The following FGF14 variants were observed in gnomAD, a reference collection of about 807,000 sequenced individuals.
The protein encoded by FGF14 is fibroblast growth factor 14.
A neutral mutation model predicts 25.5 loss-of-function variants in FGF14; 5 were observed. That is an observed-to-expected ratio of 0.20 (90% CI 0.10 to 0.41). The LOEUF is 0.41. FGF14 is among the 10% of genes least tolerant of loss of function. The pLI, the probability that FGF14 is intolerant of heterozygous loss-of-function variation, is 1.00. For synonymous variants in FGF14, 138 were observed against 118.3 expected (o/e 1.17, Z -1.08); for missense variants, 222 against 320.1 (o/e 0.69, Z 2.34).
chr13:102,226,824 C>G (rs546526878), intron 1 of FGF14, among the ~76,000 whole-genome samples: 1 of 152,236 alleles, frequency 6.6e-6, no homozygotes, highest in South Asian at 2.1e-4. Flanking sequence ...GAACAGCCAC[C>G]AGAATTCAAT....
At chr13:102,141,369 A>G (rs1315381409) in intron 1 of FGF14, among the ~76,000 whole-genome samples, 1 of 152,212 alleles carries the variant, frequency 6.6e-6, no homozygotes, top group Non-Finnish European at 1.5e-5. Context: ...CTGCTACGTT[A>G]AACAAGACAG....
At chr13:102,086,331 T>A (rs2043897996) in intron 1 of FGF14, among the ~76,000 whole-genome samples, 1 of 152,072 alleles carries the variant, frequency 6.6e-6, no homozygotes, top group Non-Finnish European at 1.5e-5. Context: ...CCATCCTGGC[T>A]AACCAGGATA....
At chr13:101,830,814 G>A (rs181806535) in intron 3 of FGF14, among the ~76,000 whole-genome samples, 7 of 152,142 alleles carry the variant, frequency 4.6e-5, no homozygotes, top group African/African-American at 1.4e-4. Context: ...TTCCATTTTG[G>A]TGGCTCTAGG....
Position 101,720,011 on chromosome 13 carries a change from C to T in FGF14, c.*2820G>A, listed in dbSNP as rs192897266. 121 of 152,244 alleles carry T rather than the reference C, an allele frequency of 7.9e-4. No homozygotes were observed. The highest frequency in any genetic ancestry group is 2.9e-3 in the African/African-American group (120 of 41,568). 9.4% of individuals were successfully genotyped at this position (152,244 alleles called of 1,614,324 possible). On this transcript the variant is annotated 3_prime_UTR_variant, in exon 5 of 5. Coordinates refer to ENST00000376143, the MANE Select transcript of FGF14 (RefSeq NM_004115.4). ...CATTTCTCTATATTGGTGAGTAATGCAATGCCATTTTGTTACATAAAGTTG... is the reference window on the plus strand; with the variant it reads ...CATTTCTCTATATTGGTGAGTAATGTAATGCCATTTTGTTACATAAAGTTG...
At chr13:101,781,597 T>C (rs577515276) in intron 3 of FGF14, among the ~76,000 whole-genome samples, 60 of 152,346 alleles carry the variant, frequency 3.9e-4, no homozygotes, top group African/African-American at 1.3e-3. Context: ...TCTTTCATTC[T>C]CATTTTAGAG....
intron 1 of FGF14, among the ~76,000 whole-genome samples, chr13:101,900,197 A>T: frequency 6.6e-6 from 1 of 152,180 alleles, no homozygotes; most frequent in Non-Finnish European, 1.5e-5. Flanking sequence ...CCATGACTAC[A>T]GGTAAATTTA....
intron 1 of FGF14, among the ~76,000 whole-genome samples, chr13:101,935,638 A>T (rs1248942120): frequency 2.6e-5 from 4 of 152,120 alleles, no homozygotes; most frequent in Admixed American, 2.0e-4. Context: ...AAGCTTTCTG[A>T]GGCCTCCCCA....
chr13:102,090,442 A>T (rs190303507), intron 1 of FGF14, among the ~76,000 whole-genome samples: 4 of 148,146 alleles, frequency 2.7e-5, no homozygotes, highest in Non-Finnish European at 4.5e-5. Context: ...GTCAATCGCC[A>T]TATCTATAAA....
intron 1 of FGF14, among the ~76,000 whole-genome samples, chr13:102,136,608 A>T (rs1217160867): frequency 6.6e-6 from 1 of 151,966 alleles, no homozygotes; most frequent in Non-Finnish European, 1.5e-5. Flanking sequence ...TAGGATCAAC[A>T]TAGGCAGCAA....
intron 1 of FGF14, among the ~76,000 whole-genome samples, chr13:102,331,349 A>G (rs1168579213): frequency 1.3e-5 from 2 of 152,182 alleles, no homozygotes; most frequent in Non-Finnish European, 2.9e-5. Context: ...TATAATCCCA[A>G]TAGCTTGGAC....
At chr13:102,203,038 A>G (rs2049737873) in intron 1 of FGF14, among the ~76,000 whole-genome samples, 1 of 152,196 alleles carries the variant, frequency 6.6e-6, no homozygotes, top group Non-Finnish European at 1.5e-5. Context: ...AGAGACAGGC[A>G]TGGAAGACAG....
At chr13:102,002,281 T>G (rs1359140749) in intron 1 of FGF14, 1 of 152,232 alleles carries the variant, frequency 6.6e-6, no homozygotes, top group African/African-American at 2.4e-5. Flanking sequence ...CATAGAAGAT[T>G]GGATCCACGC....
intron 1 of FGF14, among the ~76,000 whole-genome samples, chr13:102,182,269 A>G (rs2048705954): frequency 6.6e-6 from 1 of 152,186 alleles, no homozygotes; most frequent in South Asian, 2.1e-4. Context: ...AAAGAGCCAT[A>G]TGCCAAAGAA....
intron 1 of FGF14, among the ~76,000 whole-genome samples, chr13:102,184,816 C>T (rs2048814835): frequency 6.6e-6 from 1 of 152,174 alleles, no homozygotes. Flanking sequence ...ATATTCATCT[C>T]TTTTGGCCTA....
rs1400296523 is a variant in FGF14 at position 101,711,372 on chromosome 13, C to G, written c.*11459G>C. 6.6e-6 allele frequency: 1 copy of G among 152,374 alleles called. No individual in the cohort carries two copies. The highest frequency in any genetic ancestry group is 1.9e-4 in the East Asian group (1 of 5,194). The allele number at this position is 152,374 out of a possible 1,614,324, so 9.4% of individuals were successfully genotyped here. On this transcript the variant is annotated 3_prime_UTR_variant, in exon 5 of 5. Transcript: ENST00000376143. Reference sequence around the variant, plus strand: ...CAAAGAAGTCCAGCATACACACACACTCACCCACCCACAACCTGTCCCACA... The same window carrying G: ...CAAAGAAGTCCAGCATACACACACAGTCACCCACCCACAACCTGTCCCACA...
intron 1 of FGF14, among the ~76,000 whole-genome samples, chr13:101,944,585 C>T (rs1396242964): frequency 6.6e-6 from 1 of 151,546 alleles, no homozygotes; most frequent in Admixed American, 6.6e-5. Context: ...ACTATTTATA[C>T]CCATGTTCAT....
intron 1 of FGF14, among the ~76,000 whole-genome samples, chr13:102,077,714 G>A (rs550625521): frequency 3.3e-5 from 5 of 152,242 alleles, no homozygotes; most frequent in African/African-American, 9.6e-5. Flanking sequence ...AGCTTTTATG[G>A]AAGACAATAT....
At chr13:102,053,904 T>G (rs1056413759) in intron 1 of FGF14, among the ~76,000 whole-genome samples, 6 of 152,182 alleles carry the variant, frequency 3.9e-5, no homozygotes, top group Non-Finnish European at 7.4e-5. Flanking sequence ...TTTCATCATT[T>G]TATCTTTCAC....
At chr13:102,087,161 T>C (rs1015601349) in intron 1 of FGF14, among the ~76,000 whole-genome samples, 5 of 152,136 alleles carry the variant, frequency 3.3e-5, no homozygotes, top group Non-Finnish European at 1.5e-5. Flanking sequence ...CTGATATAAG[T>C]TGATGGGACT....
Sources: allele counts gnomAD v4.1 joint callset (sites outside exome capture counted in the v4.1 genomes callset), GRCh38; gene constraint gnomAD v4.1.1; transcripts MANE v1.5; gene names NCBI Gene and HGNC (gene_info 2026-07-23, HGNC 2026-07-21).